STOX1: variants seen among roughly 807,000 people sequenced by gnomAD.
STOX1 encodes the protein storkhead box 1.
STOX1 carries 57 observed loss-of-function variants against 74.8 expected under a neutral mutation model. That is an observed-to-expected ratio of 0.76 (90% CI 0.62 to 0.95). The LOEUF (loss-of-function observed/expected upper bound fraction) is 0.95, where lower values mean the gene tolerates loss of function less well. STOX1 is among the 40% of genes least tolerant of loss of function. The probability of loss-of-function intolerance (pLI) is 0.00; values close to 1 mark genes in which losing one functional copy is unlikely to be tolerated. For missense variants in STOX1, 1,010 were observed against 1,117.0 expected (o/e 0.90, Z 1.37); for synonymous variants, 375 against 401.3 (o/e 0.93, Z 0.78).
intron 1 of STOX1, among the ~76,000 whole-genome samples, chr10:68,839,650 G>C (rs1304936681): frequency 6.6e-6 from 1 of 152,212 alleles, no homozygotes; most frequent in Non-Finnish European, 1.5e-5. Flanking sequence ...AGCACTTTGG[G>C]AGGCCAAGGC....
Position 68,861,553 on chromosome 10 carries a change from T to C in STOX1, c.311-20405T>C, listed in dbSNP as rs148021970. Among the ~76,000 whole-genome samples, 385 of 152,262 alleles carry C rather than the reference T, an allele frequency of 2.5e-3. 4 individuals are homozygous for C. The highest frequency in any genetic ancestry group is 8.8e-3 in the African/African-American group (365 of 41,510). ...CCAGTCTTGAGGACTGTTCCTTGCA[T>C]GTCCCCCTTTTTGTTTTTGCACGGC... On this transcript the variant is annotated intron_variant, in intron 1 of 3. Coordinates refer to ENST00000298596, the MANE Select transcript of STOX1 (RefSeq NM_152709.5).
chr10:68,830,383 C>T (rs987522077), intron 1 of STOX1, among the ~76,000 whole-genome samples: 1 of 152,116 alleles, frequency 6.6e-6, no homozygotes, highest in Non-Finnish European at 1.5e-5. Flanking sequence ...CTCTCTGCTG[C>T]TCAGGCTGGA....
Position 68,884,772 on chromosome 10 carries a change from C to G in STOX1, c.976C>G (p.Pro326Ala), listed in dbSNP as rs201881106. Residue 326 changes from proline to alanine, a missense_variant, in exon 3 of 4, where the codon CCC becomes GCC. Pro to Ala is a conservative substitution (Grantham distance 27). Transcript: ENST00000298596. The part of the protein sequence containing the change: ...LWRSLSRKEK[P>A]KTEHSSFSAQ... ...GCGCAGCTTATCTAGAAAGGAGAAGCCCAAAACAGAACACAGCAGTTTCTC... is the reference window on the plus strand; with the variant it reads ...GCGCAGCTTATCTAGAAAGGAGAAGGCCAAAACAGAACACAGCAGTTTCTC... 1.2e-4 allele frequency: 199 copies of G among 1,614,016 alleles called. No homozygotes were observed. The highest frequency in any genetic ancestry group is 1.7e-4 in the Non-Finnish European group (195 of 1,180,026).
chr10:68,870,882 T>C (rs1255348611), intron 1 of STOX1, among the ~76,000 whole-genome samples: 1 of 151,920 alleles, frequency 6.6e-6, no homozygotes, highest in African/African-American at 2.4e-5. Flanking sequence ...ACCCCCAGAG[T>C]CTCCTGATAA....
At chr10:68,828,651 C>T (rs767098153) in intron 1 of STOX1, among the ~76,000 whole-genome samples, 18 of 152,294 alleles carry the variant, frequency 1.2e-4, no homozygotes, top group Non-Finnish European at 2.1e-4. Flanking sequence ...AGGAAGGGTA[C>T]CCCAGGGGAA....
At chr10:68,868,104 G>T (rs1840453983) in intron 1 of STOX1, among the ~76,000 whole-genome samples, 1 of 152,230 alleles carries the variant, frequency 6.6e-6, no homozygotes, top group South Asian at 2.1e-4. Context: ...CCGGGTTCGA[G>T]CCCCAAGTTT....
chr10:68,859,977 TGAAG>T (rs1353679452), intron 1 of STOX1, among the ~76,000 whole-genome samples: 2 of 151,796 alleles, frequency 1.3e-5, no homozygotes, highest in African/African-American at 4.8e-5. Flanking sequence ...GAATCGGAGA[TGAAG>T]GAAGGGCCTT....
intron 1 of STOX1, among the ~76,000 whole-genome samples, chr10:68,836,304 A>G (rs1839551721): frequency 6.6e-6 from 1 of 152,206 alleles, no homozygotes; most frequent in Non-Finnish European, 1.5e-5. Flanking sequence ...TTTTGAAGAT[A>G]AGGTACCTGA....
At chr10:68,842,933 A>C (rs892696469) in intron 1 of STOX1, among the ~76,000 whole-genome samples, 1 of 152,240 alleles carries the variant, frequency 6.6e-6, no homozygotes, top group African/African-American at 2.4e-5. Context: ...CCCCGAGTCT[A>C]AAGCCATCAG....
chr10:68,872,342 C>CTTTTTTTTTTTTTT (rs72451894), intron 1 of STOX1, among the ~76,000 whole-genome samples: 18 of 89,318 alleles, frequency 2.0e-4, no homozygotes, highest in South Asian at 7.3e-4. Flanking sequence ...TTTTTCTTTT[C>CTTTTTTTTTTTTTT]TTTTTTTTTT....
At chr10:68,867,587 G>A (rs1029044418) in intron 1 of STOX1, among the ~76,000 whole-genome samples, 2 of 152,184 alleles carry the variant, frequency 1.3e-5, no homozygotes, top group Non-Finnish European at 2.9e-5. Flanking sequence ...AAGGGGCAGG[G>A]ACAAGCTTCC....
rs536007823 is a variant in STOX1 at position 68,853,655 on chromosome 10, C to T, written c.310+25722C>T. Among the ~76,000 whole-genome samples, 143 of 151,988 alleles carry T rather than the reference C, an allele frequency of 9.4e-4. 1 individual carries two copies. The highest frequency in any genetic ancestry group is 3.4e-3 in the African/African-American group (139 of 41,414). On this transcript the variant is annotated intron_variant, in intron 1 of 3. Coordinates refer to ENST00000298596, the MANE Select transcript of STOX1 (RefSeq NM_152709.5). ...TTAAAGTATGGAACAAATTTCATAC[C>T]ACCTTTCTTACCTTTCATTTTTTTT...
intron 1 of STOX1, among the ~76,000 whole-genome samples, chr10:68,846,577 G>A (rs1657118050): frequency 6.6e-6 from 1 of 152,140 alleles, no homozygotes. Flanking sequence ...ACATGTGTGT[G>A]TCTATTTCTA....
intron 1 of STOX1, among the ~76,000 whole-genome samples, chr10:68,855,562 A>G (rs1258013892): frequency 6.6e-6 from 1 of 151,720 alleles, no homozygotes; most frequent in Non-Finnish European, 1.5e-5. Flanking sequence ...CCTCAGCCTC[A>G]CATAGCTGGG....
At chr10:68,863,495 T>C (rs903446868) in intron 1 of STOX1, among the ~76,000 whole-genome samples, 11 of 152,130 alleles carry the variant, frequency 7.2e-5, no homozygotes, top group Non-Finnish European at 1.5e-4. Context: ...TAGCTTTAGC[T>C]TCTTTCCAGG....
Position 68,886,016 on chromosome 10 carries a change from T to C in STOX1, c.2220T>C (p.Asp740=), listed in dbSNP as rs764151562. Residue 740 remains aspartate (D), a synonymous_variant, in exon 3 of 4, where the codon GAT becomes GAC. Coordinates refer to ENST00000298596, the MANE Select transcript of STOX1 (RefSeq NM_152709.5). ...GTAGTTCATTATATCTAGAGGAGGA[T>C]GACATTTCTGAGAATGACGACTTAC... ...GACSSLYLEE[D]DISENDDLRQ... The C allele has an allele frequency of 3.4e-5, 55 of 1,614,038 alleles. No homozygotes were observed. The highest frequency in any genetic ancestry group is 3.3e-4 in the Middle Eastern group (2 of 6,084).
At chr10:68,839,370 G>A (rs11812559) in intron 1 of STOX1, among the ~76,000 whole-genome samples, 16,562 of 151,804 alleles carry the variant, frequency 0.11, 1,136 homozygotes, top group South Asian at 0.19. Context: ...CCAGAAGTGC[G>A]TGCCACCACA....
At chr10:68,856,478 C>T (rs777824300) in intron 1 of STOX1, among the ~76,000 whole-genome samples, 27 of 152,034 alleles carry the variant, frequency 1.8e-4, no homozygotes, top group African/African-American at 9.7e-5. Flanking sequence ...CCTCAGCATC[C>T]GTCTCCCACG....
intron 1 of STOX1, among the ~76,000 whole-genome samples, chr10:68,834,225 C>T (rs1254622031): frequency 6.6e-6 from 1 of 152,198 alleles, no homozygotes; most frequent in East Asian, 1.9e-4. Flanking sequence ...ATTGCAAGTA[C>T]TCTAGGAGTG....
Sources: gnomAD v4.1 joint callset for allele counts (sites outside exome capture counted in the v4.1 genomes callset) on GRCh38, gnomAD v4.1.1 for gene constraint, MANE v1.5 for transcripts, NCBI Gene and HGNC (gene_info 2026-07-23, HGNC 2026-07-21) for gene names.